The following CFAP57 variants were observed in gnomAD, a reference collection of about 807,000 sequenced individuals.
CFAP57 encodes cilia and flagella associated protein 57.
CFAP57 carries 116 observed loss-of-function variants against 146.8 expected under a neutral mutation model. The ratio of observed to expected loss-of-function variants is 0.79; its 90% confidence interval spans 0.68 to 0.92. CFAP57 has a LOEUF of 0.92. Ranked by LOEUF, CFAP57 falls within the 40% of genes least tolerant of loss-of-function variation. CFAP57 has a pLI of 0.00. For missense variants in CFAP57, 1,377 were observed against 1,527.2 expected (o/e 0.90, Z 1.64); for synonymous variants, 518 against 552.8 (o/e 0.94, Z 0.88).
At chr1:43,174,431 C>T (rs959831698) in intron 2 of CFAP57, among the ~76,000 whole-genome samples, 2 of 152,216 alleles carry the variant, frequency 1.3e-5, no homozygotes, top group African/African-American at 2.4e-5. Context: ...CATAGACTAT[C>T]ATGTTATCTA....
intron 9 of CFAP57, among the ~76,000 whole-genome samples, chr1:43,202,240 C>T (rs568133922): frequency 6.6e-6 from 1 of 152,142 alleles, no homozygotes; most frequent in African/African-American, 2.4e-5. Context: ...AAGCATCCAT[C>T]TCAAGAAGTT....
intron 9 of CFAP57, among the ~76,000 whole-genome samples, chr1:43,205,857 A>T (rs1312895397): frequency 1.3e-4 from 20 of 152,130 alleles, no homozygotes. Flanking sequence ...AAGTTTCTGG[A>T]GCTGAGGCCG....
At chr1:43,245,035 C>T (rs544467353) in intron 22 of CFAP57, among the ~76,000 whole-genome samples, 20 of 150,688 alleles carry the variant, frequency 1.3e-4, no homozygotes, top group African/African-American at 2.7e-4. Flanking sequence ...TCAGGCCAGG[C>T]GCCGTGGCTC....
chr1:43,213,772 A>T (rs1281334494), intron 11 of CFAP57, among the ~76,000 whole-genome samples: 3 of 151,816 alleles, frequency 2.0e-5, no homozygotes, highest in African/African-American at 4.8e-5. Context: ...ATGGTATCTC[A>T]TGGTGGTTTT....
At chr1:43,174,600 G>A (rs946679862) in intron 2 of CFAP57, among the ~76,000 whole-genome samples, 6 of 152,156 alleles carry the variant, frequency 3.9e-5, no homozygotes, top group African/African-American at 1.4e-4. Context: ...GGCAGATCAC[G>A]AGGTCAAGAG....
At chr1:43,208,964 G>A (rs1644478515) in intron 10 of CFAP57, among the ~76,000 whole-genome samples, 1 of 152,174 alleles carries the variant, frequency 6.6e-6, no homozygotes. Context: ...GTACCATACT[G>A]TGAGTAAGAT....
intron 11 of CFAP57, among the ~76,000 whole-genome samples, chr1:43,212,848 T>C (rs1359073777): frequency 6.6e-6 from 1 of 150,928 alleles, no homozygotes. Context: ...GCAGGAGAAT[T>C]GCTTGAACCT....
rs1316271114 is a variant in CFAP57, at chr1:43,172,469, T to C, written c.-20+16T>C. ...GAAACGAAAGGTGGGAGGGGGTACC[T>C]GGGGGTCGCCAGAAGGAGCTGGTAG... On this transcript the variant is annotated intron_variant, in intron 1 of 22. Coordinates refer to ENST00000372492, the MANE Select transcript of CFAP57 (RefSeq NM_001378189.1). The C allele has an allele frequency of 7.2e-6, 11 of 1,524,832 alleles. No individual in the cohort carries two copies. Among genetic ancestry groups the C allele is most frequent in the Middle Eastern group, 1.9e-4 (1 of 5,268 alleles). The allele number at this position is 1,524,832 out of a possible 1,614,324, so 94.5% of individuals were successfully genotyped here. A position where few individuals can be genotyped will look rare whatever the true frequency, so the allele number is the denominator to read the frequency against.
In CFAP57 at chr1:43,182,914, G is replaced by A. The variant is rs79249672; in HGVS notation, c.475-677G>A. Reference sequence around the variant, plus strand: ...TACTATGGTTCAACTTAAAATATTCGTCTTTACAATGGTACAAGAGTGATA... The same window carrying A: ...TACTATGGTTCAACTTAAAATATTCATCTTTACAATGGTACAAGAGTGATA... On this transcript the variant is annotated intron_variant, in intron 3 of 22. Transcript: ENST00000372492. Among the ~76,000 whole-genome samples, 1,094 of 152,266 alleles carry A rather than the reference G, an allele frequency of 7.2e-3. 12 individuals are homozygous for A. Among genetic ancestry groups the A allele is most frequent in the African/African-American group, 0.025 (1,042 of 41,554 alleles).
intron 6 of CFAP57, among the ~76,000 whole-genome samples, chr1:43,197,221 G>T (rs1439685912): frequency 6.6e-6 from 1 of 152,080 alleles, no homozygotes; most frequent in African/African-American, 2.4e-5. Context: ...GCCGGGCATG[G>T]TGGCAGGCGC....
intron 6 of CFAP57, among the ~76,000 whole-genome samples, chr1:43,191,057 T>C (rs1029693748): frequency 1.3e-5 from 2 of 152,170 alleles, no homozygotes; most frequent in African/African-American, 4.8e-5. Context: ...CTTCTTTAAG[T>C]GTTTGGTAGA....
intron 22 of CFAP57, chr1:43,250,526 A>C (rs900864009): frequency 6.6e-6 from 1 of 152,226 alleles, no homozygotes; most frequent in African/African-American, 2.4e-5. Flanking sequence ...GATTCCAAAC[A>C]AGATTGGGGC....
chr1:43,233,701 G>A (rs1645568490), intron 19 of CFAP57, among the ~76,000 whole-genome samples: 2 of 152,144 alleles, frequency 1.3e-5, no homozygotes, highest in Admixed American at 1.3e-4. Context: ...AGGGCCATGG[G>A]AGCAAGGAGA....
chr1:43,177,333 A>T, intron 2 of CFAP57: 1 of 401,620 alleles, frequency 2.5e-6, no homozygotes, highest in South Asian at 1.8e-5. Flanking sequence ...AGCAGGAAGA[A>T]GCAAGGTTTT....
chr1:43,195,722 G>A (rs750298479), intron 6 of CFAP57, among the ~76,000 whole-genome samples: 3 of 152,034 alleles, frequency 2.0e-5, no homozygotes, highest in East Asian at 1.9e-4. Flanking sequence ...TAAAAATTTC[G>A]TGTTGAGAAA....
rs139372092 is a variant in CFAP57, at chr1:43,230,929, G to A, written c.3010-1579G>A. On this transcript the variant is annotated intron_variant, in intron 18 of 22. Coordinates refer to ENST00000372492, the MANE Select transcript of CFAP57 (RefSeq NM_001378189.1). ...ACAAGCTGGGCGGCCCTTTCTAATG[G>A]GCACATTCTTTAGCTGTGCAAATAC... 2.6e-4 allele frequency among the ~76,000 whole-genome samples: 39 copies of A among 152,216 alleles called. No homozygotes were observed. The East Asian group carries it at 5.8e-3, about 23-fold the overall frequency.
At chr1:43,241,867 G>T (rs1645937721) in intron 21 of CFAP57, among the ~76,000 whole-genome samples, 1 of 152,212 alleles carries the variant, frequency 6.6e-6, no homozygotes, top group Non-Finnish European at 1.5e-5. Flanking sequence ...TAAGAGCAAA[G>T]TGGCCAGTCT....
At chr1:43,239,910 A>G (rs763579656) in intron 21 of CFAP57, among the ~76,000 whole-genome samples, 21 of 152,200 alleles carry the variant, frequency 1.4e-4, no homozygotes, top group Non-Finnish European at 2.8e-4. Context: ...TTTGGTATCC[A>G]CTGCATTAGT....
intron 6 of CFAP57, among the ~76,000 whole-genome samples, chr1:43,187,851 G>T (rs1422222080): frequency 2.0e-5 from 3 of 152,116 alleles, no homozygotes; most frequent in African/African-American, 7.2e-5. Context: ...TCACCCAGGT[G>T]GGAGTGCAGT....
Sources: allele counts gnomAD v4.1 joint callset (sites outside exome capture counted in the v4.1 genomes callset), GRCh38; gene constraint gnomAD v4.1.1; transcripts MANE v1.5; gene names NCBI Gene and HGNC (gene_info 2026-07-23, HGNC 2026-07-21).